The following GRIN2B variants were observed in gnomAD, a reference collection of about 807,000 sequenced individuals.
GRIN2B encodes glutamate ionotropic receptor NMDA type subunit 2B, also known as glutamate receptor ionotropic, NMDA 2B.
In GRIN2B, 5 loss-of-function variants were observed where a neutral mutation model predicts 114.5. The observed-to-expected ratio is 0.04, with a 90% confidence interval of 0.02 to 0.09. GRIN2B has a LOEUF of 0.09. Ranked by LOEUF, GRIN2B falls within the 10% of genes least tolerant of loss-of-function variation. GRIN2B has a pLI of 1.00. For synonymous variants in GRIN2B, 787 were observed against 745.1 expected (o/e 1.06, Z -0.92); for missense variants, 1,108 against 1,943.5 (o/e 0.57, Z 8.08).
chr12:13,584,634 G>T (rs1349910715), intron 10 of GRIN2B, among the ~76,000 whole-genome samples: 1 of 152,130 alleles, frequency 6.6e-6, no homozygotes, highest in Non-Finnish European at 1.5e-5. Flanking sequence ...ATCTTTCCTG[G>T]CACTTTCTCC....
At chr12:13,700,102 T>C (rs1950297159) in intron 4 of GRIN2B, among the ~76,000 whole-genome samples, 1 of 152,138 alleles carries the variant, frequency 6.6e-6, no homozygotes. Flanking sequence ...ATACGCTGTC[T>C]GTCTGTGGGG....
At chr12:13,706,179 T>C (rs1407816271) in intron 4 of GRIN2B, among the ~76,000 whole-genome samples, 2 of 150,952 alleles carry the variant, frequency 1.3e-5, no homozygotes, top group African/African-American at 4.9e-5. Flanking sequence ...ATTTGATGAG[T>C]CTCTTACAGT....
chr12:13,683,633 T>TCCTC (rs1336265656), intron 4 of GRIN2B: 1 of 157,702 alleles, frequency 6.3e-6, no homozygotes, highest in Non-Finnish European at 1.5e-5. Flanking sequence ...GGTGTCCCCT[T>TCCTC]CCTCCCTCAC....
intron 5 of GRIN2B, among the ~76,000 whole-genome samples, chr12:13,654,932 A>G (rs1053503653): frequency 2.0e-5 from 3 of 152,078 alleles, no homozygotes; most frequent in Non-Finnish European, 2.9e-5. Context: ...CAAGCAGGAG[A>G]AACAGGCTTA....
At chr12:13,791,124 G>T (rs1429604980) in intron 3 of GRIN2B, among the ~76,000 whole-genome samples, 1 of 152,134 alleles carries the variant, frequency 6.6e-6, no homozygotes, top group African/African-American at 2.4e-5. Flanking sequence ...AGTACACAGA[G>T]AATTAAGGAG....
chr12:13,884,814 T>C (rs997527141), intron 2 of GRIN2B, among the ~76,000 whole-genome samples: 5 of 152,072 alleles, frequency 3.3e-5, no homozygotes, highest in African/African-American at 1.2e-4. Flanking sequence ...TATGTGTGTG[T>C]ATATATATAC....
chr12:13,971,936 C>T (rs995055685), intron 2 of GRIN2B, among the ~76,000 whole-genome samples: 3 of 152,174 alleles, frequency 2.0e-5, no homozygotes, highest in Non-Finnish European at 4.4e-5. Flanking sequence ...CATATCCCAA[C>T]AGCATTTTTT....
chr12:13,871,496 G>A (rs2136754020), intron 2 of GRIN2B, among the ~76,000 whole-genome samples: 1 of 151,716 alleles, frequency 6.6e-6, no homozygotes, highest in South Asian at 2.1e-4. Context: ...AATTTCTAGA[G>A]CACAATTAAA....
At chr12:13,605,993 C>A (rs187731958) in intron 10 of GRIN2B, among the ~76,000 whole-genome samples, 1 of 152,180 alleles carries the variant, frequency 6.6e-6, no homozygotes, top group East Asian at 1.9e-4. Flanking sequence ...TACACTACAC[C>A]CCTGCCATGT....
intron 2 of GRIN2B, among the ~76,000 whole-genome samples, chr12:13,920,730 C>T (rs899905854): frequency 6.6e-6 from 1 of 152,202 alleles, no homozygotes; most frequent in Non-Finnish European, 1.5e-5. Flanking sequence ...TTGCCGGTGA[C>T]ATCAGGCATC....
chr12:13,727,539 C>A (rs1032034554), intron 4 of GRIN2B, among the ~76,000 whole-genome samples: 1 of 152,168 alleles, frequency 6.6e-6, no homozygotes, highest in Admixed American at 6.5e-5. Context: ...TTCTTTAACT[C>A]TCTGGGAAAT....
At chr12:13,965,815 C>T (rs1308174697) in intron 2 of GRIN2B, among the ~76,000 whole-genome samples, 1 of 152,146 alleles carries the variant, frequency 6.6e-6, no homozygotes, top group East Asian at 1.9e-4. Flanking sequence ...AATTGCATCG[C>T]TCCTAAAGTC....
At position 13,841,626 on chromosome 12, in the gene GRIN2B, T is replaced by G. The variant is rs377242269; in HGVS notation, c.411+24172A>C. On this transcript the variant is annotated intron_variant, in intron 3 of 13. Coordinates refer to ENST00000609686, the MANE Select transcript of GRIN2B (RefSeq NM_000834.5). Reference sequence around the variant, plus strand: ...GGGACGCATCTCGATCCACAGCTCTTAGAAGCAATTTCCTTGGAAACACTG... The same window carrying G: ...GGGACGCATCTCGATCCACAGCTCTGAGAAGCAATTTCCTTGGAAACACTG... 4.6e-5 allele frequency among the ~76,000 whole-genome samples: 7 copies of G among 152,190 alleles called. No homozygotes were observed. The East Asian group carries it at 1.2e-3, about 25-fold the overall frequency.
At chr12:13,604,522 G>A (rs921827596) in intron 10 of GRIN2B, among the ~76,000 whole-genome samples, 1 of 152,196 alleles carries the variant, frequency 6.6e-6, no homozygotes, top group Non-Finnish European at 1.5e-5. Context: ...GTCAAAACAA[G>A]TTTAGGAACC....
intron 3 of GRIN2B, among the ~76,000 whole-genome samples, chr12:13,859,944 C>T (rs573056630): frequency 3.9e-5 from 6 of 152,180 alleles, no homozygotes; most frequent in African/African-American, 1.2e-4. Context: ...TATTCTGTCC[C>T]GAGGAATATT....
intron 5 of GRIN2B, among the ~76,000 whole-genome samples, chr12:13,647,656 G>C (rs1949773882): frequency 6.6e-6 from 1 of 152,050 alleles, no homozygotes; most frequent in Admixed American, 6.6e-5. Context: ...AGGAGGAGAG[G>C]AAAGGGGCTG....
chr12:13,895,658 T>C (rs1468425942), intron 2 of GRIN2B, among the ~76,000 whole-genome samples: 3 of 152,210 alleles, frequency 2.0e-5, no homozygotes, highest in Non-Finnish European at 2.9e-5. Flanking sequence ...ATTTTACTGT[T>C]CTTGTACAAC....
chr12:13,593,715 A>G (rs2136444674), intron 10 of GRIN2B, among the ~76,000 whole-genome samples: 1 of 152,366 alleles, frequency 6.6e-6, no homozygotes, highest in Non-Finnish European at 1.5e-5. Flanking sequence ...TCTGCACAGC[A>G]AAATAAACTA....
intron 4 of GRIN2B, among the ~76,000 whole-genome samples, chr12:13,739,479 A>C (rs1219343424): frequency 2.7e-5 from 4 of 150,862 alleles, no homozygotes; most frequent in Non-Finnish European, 5.9e-5. Context: ...ATTCAACATT[A>C]CTGCCTCTAC....
Sources: allele counts gnomAD v4.1 joint callset (sites outside exome capture counted in the v4.1 genomes callset), GRCh38; gene constraint gnomAD v4.1.1; transcripts MANE v1.5; gene names NCBI Gene and HGNC (gene_info 2026-07-23, HGNC 2026-07-21).